Variants in GABRG3 observed in about 807,000 individuals in gnomAD.
GABRG3 encodes gamma-aminobutyric acid type A receptor subunit gamma3, also known as gamma-aminobutyric acid receptor subunit gamma-3.
In GABRG3, 25 loss-of-function variants were observed where a neutral mutation model predicts 48.8. That is an observed-to-expected ratio of 0.51 (90% CI 0.37 to 0.72). The LOEUF is 0.72. GABRG3 is among the 30% of genes least tolerant of loss of function. The pLI is 0.00. For synonymous variants in GABRG3, 227 were observed against 217.6 expected, an observed-to-expected ratio of 1.04 and a Z score of -0.38; for missense variants, 394 against 577.9, an observed-to-expected ratio of 0.68 and a Z score of 3.26.
chr15:27,229,334 G>A (rs1263662513), intron 3 of GABRG3, among the ~76,000 whole-genome samples: 1 of 152,028 alleles, frequency 6.6e-6, no homozygotes, highest in Non-Finnish European at 1.5e-5. Context: ...TATTGCATAG[G>A]CAGTTTTCCC....
At chr15:27,013,984 C>T (rs1327749611) in intron 2 of GABRG3, among the ~76,000 whole-genome samples, 2 of 152,072 alleles carry the variant, frequency 1.3e-5, no homozygotes, top group African/African-American at 4.8e-5. Context: ...GCCTTCCAAT[C>T]TGTGAAAGCA....
In GABRG3 at chr15:27,417,417, C is replaced by T. The variant is rs1887972993; in HGVS notation, c.575-63233C>T. 2.0e-5 allele frequency among the ~76,000 whole-genome samples: 3 copies of T among 152,164 alleles called. 1 individual carries two copies. The South Asian group carries it at 6.2e-4, about 31-fold the overall frequency. On this transcript the variant is annotated intron_variant, in intron 5 of 9. Transcript: ENST00000615808. ...ATGGCTCCCAATCCTCCTTCTACCC[C>T]TGTTGGTGTTTCTCTCTCCAGCTCC...
At chr15:27,290,771 GA>G (rs1321272304) in intron 3 of GABRG3, among the ~76,000 whole-genome samples, 7 of 152,096 alleles carry the variant, frequency 4.6e-5, no homozygotes, top group Non-Finnish European at 1.5e-5. Flanking sequence ...ATCCAAAAGT[GA>G]AAACAATATT....
At chr15:27,305,180 T>C (rs1892354082) in intron 3 of GABRG3, among the ~76,000 whole-genome samples, 1 of 151,792 alleles carries the variant, frequency 6.6e-6, no homozygotes, top group Admixed American at 6.6e-5. Flanking sequence ...ACGATTTTTC[T>C]CCATTGAATT....
chr15:27,259,225 T>G (rs1158158473), intron 3 of GABRG3, among the ~76,000 whole-genome samples: 1 of 152,196 alleles, frequency 6.6e-6, no homozygotes, highest in Non-Finnish European at 1.5e-5. Context: ...TGTACTGATT[T>G]CCCTTCCTTT....
rs572328072 is a variant in GABRG3, at chr15:27,451,541, A to G, written c.575-29109A>G. Among the ~76,000 whole-genome samples, 68 of 152,334 alleles carry G rather than the reference A, an allele frequency of 4.5e-4. 1 individual carries two copies. Among genetic ancestry groups the G allele is most frequent in the Middle Eastern group, 3.4e-3 (1 of 292 alleles). ...CACACCATATACAAAAATTAACTCA[A>G]AATGGATTAAAATCTTAAAGGTAAG... On this transcript the variant is annotated intron_variant, in intron 5 of 9. Transcript: ENST00000615808.
chr15:26,985,610 A>G (rs1166752920), intron 2 of GABRG3, among the ~76,000 whole-genome samples: 1 of 152,064 alleles, frequency 6.6e-6, no homozygotes, highest in Non-Finnish European at 1.5e-5. Flanking sequence ...GCCACCTCCA[A>G]GAGGATTGGA....
intron 3 of GABRG3, among the ~76,000 whole-genome samples, chr15:27,316,136 G>A (rs1333630110): frequency 6.6e-6 from 1 of 152,122 alleles, no homozygotes; most frequent in African/African-American, 2.4e-5. Flanking sequence ...TGTAATCCCA[G>A]CACTTTGGGA....
intron 3 of GABRG3, among the ~76,000 whole-genome samples, chr15:27,073,343 A>G (rs143812592): frequency 6.1e-4 from 93 of 152,310 alleles, no homozygotes; most frequent in African/African-American, 2.2e-3. Context: ...CAGGACCTCC[A>G]GTGAGGTGTG....
intron 5 of GABRG3, among the ~76,000 whole-genome samples, chr15:27,462,198 C>G (rs536813982): frequency 6.6e-6 from 1 of 152,260 alleles, no homozygotes; most frequent in South Asian, 2.1e-4. Flanking sequence ...CGGCTCCTCA[C>G]TCCCACCACT....
intron 3 of GABRG3, among the ~76,000 whole-genome samples, chr15:27,308,479 A>G (rs1321384001): frequency 1.4e-5 from 2 of 146,016 alleles, no homozygotes; most frequent in Admixed American, 6.8e-5. Flanking sequence ...ATATAAACAT[A>G]TAATGTAAAC....
intron 3 of GABRG3, among the ~76,000 whole-genome samples, chr15:27,140,182 G>C (rs1187843150): frequency 6.6e-6 from 1 of 152,234 alleles, no homozygotes; most frequent in Non-Finnish European, 1.5e-5. Flanking sequence ...ATAGGGGGTT[G>C]TGGGACTCCT....
intron 5 of GABRG3, among the ~76,000 whole-genome samples, chr15:27,386,424 G>T (rs1406948675): frequency 6.6e-6 from 1 of 151,932 alleles, no homozygotes. Context: ...TAAATTTCTG[G>T]CTGATCAGCT....
rs1406521392 is a variant in GABRG3 at position 27,236,015 on chromosome 15, T to G, written c.271-90794T>G. On this transcript the variant is annotated intron_variant, in intron 3 of 9. Transcript: ENST00000615808. This position sits in a 1 kb window ranked among gnomAD's most constrained non-coding sequence, Gnocchi z 4.4. ...CTACAAAAGATCACTTTGCAGAGCT[T>G]CTTCTGAGTCTGCAGTTGCTCAAAA... 6.6e-6 allele frequency among the ~76,000 whole-genome samples: 1 copy of G among 152,196 alleles called. No homozygotes were observed. Among genetic ancestry groups the G allele is most frequent in the Non-Finnish European group, 1.5e-5 (1 of 68,028 alleles).
intron 3 of GABRG3, among the ~76,000 whole-genome samples, chr15:27,052,183 A>T (rs879816142): frequency 1.9e-4 from 29 of 152,248 alleles, no homozygotes; most frequent in African/African-American, 6.0e-4. Context: ...TGGTAGAAGG[A>T]TGGTGTGTTC....
chr15:27,522,052 A>G (rs1456839227), intron 7 of GABRG3, among the ~76,000 whole-genome samples: 2 of 151,982 alleles, frequency 1.3e-5, no homozygotes, highest in African/African-American at 4.8e-5. Context: ...TAAGATAAAT[A>G]CGAAGAAAAC....
In GABRG3 at chr15:27,053,219, A is replaced by C. The variant is rs560093902; in HGVS notation, c.270+26398A>C. Among the ~76,000 whole-genome samples the C allele has an allele frequency of 3.3e-5, 5 of 152,350 alleles. No homozygotes were observed. In the South Asian group the frequency reaches 1.0e-3, roughly 32 times the overall value. ...AACAGAAACTATCAACAACCCACAG[A>C]ATGGGAGAAAATATTCACTATGCTT... On this transcript the variant is annotated intron_variant, in intron 3 of 9. Transcript: ENST00000615808.
chr15:27,352,592 A>G lies in GABRG3; in HGVS notation c.574+23704A>G, dbSNP rs567574540. ...GTGCTATTTCTGTCCGACCTGTGGGACAGGCGCTCACACCACCCCACACTG... is the reference window on the plus strand; with the variant it reads ...GTGCTATTTCTGTCCGACCTGTGGGGCAGGCGCTCACACCACCCCACACTG... On this transcript the variant is annotated intron_variant, in intron 5 of 9. Transcript: ENST00000615808. The surrounding 1 kb of genome is among the most constrained non-coding windows in gnomAD (Gnocchi z 4.0). 6.6e-6 allele frequency among the ~76,000 whole-genome samples: 1 copy of G among 152,166 alleles called. No homozygotes were observed. The highest frequency in any genetic ancestry group is 2.4e-5 in the African/African-American group (1 of 41,520).
At chr15:27,039,827 T>C (rs1054758016) in intron 3 of GABRG3, among the ~76,000 whole-genome samples, 1 of 152,188 alleles carries the variant, frequency 6.6e-6, no homozygotes, top group Non-Finnish European at 1.5e-5. Flanking sequence ...CGGTCCGCCA[T>C]TGAGGTTGCG....
Sources: allele counts gnomAD v4.1 joint callset (sites outside exome capture counted in the v4.1 genomes callset), GRCh38; gene constraint gnomAD v4.1.1; non-coding constraint Gnocchi (gnomAD v3.1); transcripts MANE v1.5; gene names NCBI Gene and HGNC (gene_info 2026-07-23, HGNC 2026-07-21).